GDPD1: variants seen among roughly 807,000 people sequenced by gnomAD.
The protein encoded by GDPD1 is glycerophosphodiester phosphodiesterase domain containing 1, also known as lysophospholipase D GDPD1.
A neutral mutation model predicts 45.1 loss-of-function variants in GDPD1; 28 were observed. The observed-to-expected ratio is 0.62, with a 90% CI of 0.46 to 0.85. The LOEUF is 0.85. Ranked by LOEUF, GDPD1 falls within the 40% of genes least tolerant of loss-of-function variation. GDPD1 has a pLI of 0.00. For synonymous variants in GDPD1, 139 were observed against 131.4 expected, an observed-to-expected ratio of 1.06 and a Z score of -0.40; for missense variants, 256 against 364.8, an observed-to-expected ratio of 0.70 and a Z score of 2.43.
At chr17:59,231,324 C>CTTTTTTTTTTTTTT (rs557850341) in intron 1 of GDPD1, among the ~76,000 whole-genome samples, 1 of 114,420 alleles carries the variant, frequency 8.7e-6, no homozygotes, top group Non-Finnish European at 1.7e-5. Context: ...TTCTTTCTTT[C>CTTTTTTTTTTTTTT]TTTTTTTTTT....
Position 59,231,606 on chromosome 17 carries a change from G to T in GDPD1, c.143-2886G>T, listed in dbSNP as rs528884937. ...CTCCCAAAGTCCTGGTATTACAGGC[G>T]TGAGCCACCGCGCCCAGCCAAAAAC... On this transcript the variant is annotated intron_variant, in intron 1 of 9. Transcript: ENST00000284116. 1.3e-4 allele frequency among the ~76,000 whole-genome samples: 19 copies of T among 151,950 alleles called. No individual in the cohort carries two copies. In the South Asian group the frequency reaches 3.7e-3, roughly 30 times the overall value.
intron 2 of GDPD1, among the ~76,000 whole-genome samples, chr17:59,239,712 A>G (rs1568341328): frequency 6.6e-6 from 1 of 151,926 alleles, no homozygotes; most frequent in Non-Finnish European, 1.5e-5. Flanking sequence ...CCAGCATTTC[A>G]GCTAGAGACA....
At chr17:59,251,135 C>T (rs1365717448) in intron 4 of GDPD1, among the ~76,000 whole-genome samples, 1 of 152,220 alleles carries the variant, frequency 6.6e-6, no homozygotes, top group Non-Finnish European at 1.5e-5. Context: ...AATGCTAGAA[C>T]TTGAACTAGG....
chr17:59,244,386 C>T (rs890566273), intron 2 of GDPD1, among the ~76,000 whole-genome samples: 2 of 152,160 alleles, frequency 1.3e-5, no homozygotes, highest in Non-Finnish European at 2.9e-5. Context: ...TTAGTAGAGA[C>T]AAGGTTTCAC....
chr17:59,223,819 G>C (rs1188894287), intron 1 of GDPD1, among the ~76,000 whole-genome samples: 1 of 152,206 alleles, frequency 6.6e-6, no homozygotes, highest in Admixed American at 6.5e-5. Flanking sequence ...GCCGAGGCAG[G>C]AGAATCACTT....
Position 59,220,715 on chromosome 17 carries a change from C to T in GDPD1, c.106C>T (p.Gln36Ter). 6.2e-7 allele frequency: 1 copy of T among 1,614,098 alleles called. No individual in the cohort carries two copies. Among genetic ancestry groups the T allele is most frequent in the East Asian group, 2.2e-5 (1 of 44,880 alleles). The part of the protein sequence containing the change: ...YPTLLHQRKK[Q>*]RFLSKHISHR... ...GACCTTGCTGCACCAGAGAAAGAAGCAGCGATTCCTCAGTAAACACATCTC... is the reference window on the plus strand; with the variant it reads ...GACCTTGCTGCACCAGAGAAAGAAGTAGCGATTCCTCAGTAAACACATCTC... The change falls in exon 1 of 10, where the codon CAG (glutamine) becomes TAG (stop). Residue 36 changes from glutamine (Q) to a stop codon, truncating the protein, a stop_gained. Coordinates refer to ENST00000284116, the MANE Select transcript of GDPD1 (RefSeq NM_182569.4). LOFTEE classifies it high-confidence loss of function.
chr17:59,237,543 G>A (rs2047142395), intron 2 of GDPD1, among the ~76,000 whole-genome samples: 1 of 152,164 alleles, frequency 6.6e-6, no homozygotes, highest in South Asian at 2.1e-4. Flanking sequence ...ATGGGTAGTT[G>A]AGGGAGAGAT....
chr17:59,247,215 G>A (rs1203341264), intron 3 of GDPD1, among the ~76,000 whole-genome samples: 2 of 152,122 alleles, frequency 1.3e-5, no homozygotes, highest in African/African-American at 4.8e-5. Context: ...GCACCAGATT[G>A]GTACATATAT....
chr17:59,238,403 T>C (rs1228629441), intron 2 of GDPD1, among the ~76,000 whole-genome samples: 1 of 148,008 alleles, frequency 6.8e-6, no homozygotes, highest in African/African-American at 2.5e-5. Context: ...ATATGGCTCT[T>C]CTATTATTTT....
chr17:59,255,307 A>G (rs1416167540), intron 4 of GDPD1, among the ~76,000 whole-genome samples: 1 of 152,024 alleles, frequency 6.6e-6, no homozygotes, highest in Non-Finnish European at 1.5e-5. Context: ...TTAGAGTCAA[A>G]AGGGACTAGA....
intron 6 of GDPD1, among the ~76,000 whole-genome samples, chr17:59,264,364 G>T (rs2047382518): frequency 6.6e-6 from 1 of 151,764 alleles, no homozygotes; most frequent in Non-Finnish European, 1.5e-5. Context: ...CACGATCTCA[G>T]CTCACTGCAA....
At chr17:59,250,457 A>G (rs2147890133) in intron 4 of GDPD1, among the ~76,000 whole-genome samples, 1 of 151,820 alleles carries the variant, frequency 6.6e-6, no homozygotes, top group Non-Finnish European at 1.5e-5. Flanking sequence ...CCCGTCTCTA[A>G]AAAAAATATT....
chr17:59,265,397 G>T (rs1479767195), intron 6 of GDPD1, among the ~76,000 whole-genome samples: 1 of 151,522 alleles, frequency 6.6e-6, no homozygotes. Context: ...AATTAGCTCG[G>T]CATGGTGGTG....
At chr17:59,271,717 A>G (rs1274210553) in intron 8 of GDPD1, among the ~76,000 whole-genome samples, 1 of 149,510 alleles carries the variant, frequency 6.7e-6, no homozygotes, top group South Asian at 2.1e-4. Flanking sequence ...ATCTCGGCTC[A>G]CCGCTTCCTG....
intron 7 of GDPD1, among the ~76,000 whole-genome samples, chr17:59,267,441 A>T (rs1023182412): frequency 1.3e-5 from 2 of 152,174 alleles, no homozygotes; most frequent in African/African-American, 4.8e-5. Flanking sequence ...GAAGGTAAAT[A>T]ATTATTTTAT....
chr17:59,220,793 G>A, intron 1 of GDPD1, 42 bp downstream of exon 1: 1 of 1,600,584 alleles, frequency 6.2e-7, no homozygotes, highest in South Asian at 1.1e-5. Context: ...GGTGGGGGAG[G>A]CTGAGGGTCC....
At position 59,274,228 on chromosome 17, in the gene GDPD1, T is replaced by C; in HGVS notation, c.*455T>C. 5 of 940,212 alleles carry C rather than the reference T, an allele frequency of 5.3e-6. No homozygotes were observed. The highest frequency in any genetic ancestry group is 6.3e-6 in the Non-Finnish European group (5 of 789,298). The allele number at this position is 940,212 out of a possible 1,614,324, so 58.2% of individuals were successfully genotyped here. A position where few individuals can be genotyped will look rare whatever the true frequency, so the allele number is the denominator to read the frequency against. On this transcript the variant is annotated 3_prime_UTR_variant, in exon 10 of 10. Transcript: ENST00000284116. Reference sequence around the variant, plus strand: ...CAAAGACTATTGGATACATTTGGCATTGGGCTGAGTGTGGTGGCTCATGCC... The same window carrying C: ...CAAAGACTATTGGATACATTTGGCACTGGGCTGAGTGTGGTGGCTCATGCC...
At chr17:59,238,004 C>T (rs1469207003) in intron 2 of GDPD1, among the ~76,000 whole-genome samples, 1 of 145,360 alleles carries the variant, frequency 6.9e-6, no homozygotes, top group Admixed American at 6.9e-5. Flanking sequence ...CATGGTGGCT[C>T]ATGCCTGTAA....
intron 2 of GDPD1, 133 bp from the exon 3 acceptor site, chr17:59,245,281 C>A: frequency 1.7e-6 from 1 of 586,466 alleles, no homozygotes; most frequent in East Asian, 2.9e-5. Context: ...ATAAGTCATA[C>A]TAAGTGATGG....
Sources: gnomAD v4.1 joint callset for allele counts (sites outside exome capture counted in the v4.1 genomes callset) on GRCh38, gnomAD v4.1.1 for gene constraint, MANE v1.5 for transcripts, NCBI Gene and HGNC (gene_info 2026-07-23, HGNC 2026-07-21) for gene names.